ASGR1: variants seen among roughly 807,000 people sequenced by gnomAD.
ASGR1 encodes the protein C-type lectin domain family 4 member H1.
A neutral mutation model predicts 33.1 loss-of-function variants in ASGR1; 35 were observed. The observed-to-expected ratio is 1.06, with a 90% CI of 0.81 to 1.40. ASGR1 has a LOEUF of 1.40. ASGR1 is among the 40% of genes most tolerant of loss of function. ASGR1 has a pLI of 0.00. For missense variants in ASGR1, 396 were observed against 373.7 expected, an observed-to-expected ratio of 1.06 and a Z score of -0.49; for synonymous variants, 142 against 152.5, an observed-to-expected ratio of 0.93 and a Z score of 0.51.
chr17:7,177,675 C>T, intron 2 of ASGR1: 1 of 242,170 alleles, frequency 4.1e-6, no homozygotes. Context: ...GCCTCGGAGT[C>T]GCTGCTTCCC....
intron 5 of ASGR1, chr17:7,176,611 CACAG>C (rs756878191): frequency 1.9e-5 from 12 of 631,240 alleles, no homozygotes; most frequent in East Asian, 2.8e-5. Flanking sequence ...TTCTCACACT[CACAG>C]ACATACACAC....
At position 7,173,579 on chromosome 17, in the gene ASGR1, G is replaced by A; in HGVS notation, c.*80C>T. The A allele has an allele frequency of 3.2e-6, 5 of 1,573,394 alleles. No homozygotes were observed. Among genetic ancestry groups the A allele is most frequent in the South Asian group, 1.1e-5 (1 of 88,652 alleles). ...CTTAAAATCCTAGATGAAAATTCCC[G>A]AGAAAGCAGAAGAGGCCCCCAGATG... On this transcript the variant is annotated 3_prime_UTR_variant, in exon 9 of 9. Transcript: ENST00000269299. This position sits in a 1 kb window ranked among gnomAD's most constrained non-coding sequence, Gnocchi z 4.7.
At position 7,176,847 on chromosome 17, in the gene ASGR1, T is replaced by C. The variant is rs1463073109; in HGVS notation, c.338A>G (p.Gln113Arg). ...TCTCTGACCTTCACTCAGGTCCTTCTGCTGTTTCTCCAGCTGGGACTCTAG... is the reference window on the plus strand; with the variant it reads ...TCTCTGACCTTCACTCAGGTCCTTCCGCTGTTTCTCCAGCTGGGACTCTAG... ...KSLESQLEKQ[Q>R]KDLSEDHSSL... The change falls in exon 5 of 9, where the codon CAG (glutamine) becomes CGG (arginine). Residue 113 changes from glutamine to arginine, a missense_variant. Gln to Arg is a conservative substitution (Grantham distance 43). Transcript: ENST00000269299. The C allele has an allele frequency of 1.2e-6, 2 of 1,612,802 alleles. No homozygotes were observed. Among genetic ancestry groups the C allele is most frequent in the East Asian group, 2.2e-5 (1 of 44,860 alleles).
At position 7,173,872 on chromosome 17, in the gene ASGR1, T is replaced by A; in HGVS notation, c.702-39A>T. 1 of 1,607,182 alleles carries A rather than the reference T, an allele frequency of 6.2e-7. No individual in the cohort carries two copies. Among genetic ancestry groups the A allele is most frequent in the African/African-American group, 1.3e-5 (1 of 74,906 alleles). On this transcript the variant is annotated intron_variant, in intron 8 of 8. Transcript: ENST00000269299. This position sits in a 1 kb window ranked among gnomAD's most constrained non-coding sequence, Gnocchi z 4.7. ...CAGCTGTGGGCCCCAGGAGGTCGGA[T>A]CCGCAGGCGGGTCGCTCCAGACTCC...
At chr17:7,175,819 ACACACT>A (rs2069193791) in intron 5 of ASGR1, among the ~76,000 whole-genome samples, 1 of 148,688 alleles carries the variant, frequency 6.7e-6, no homozygotes, top group Admixed American at 6.7e-5. Flanking sequence ...TCTCACAGAC[ACACACT>A]CAGACACACA....
chr17:7,173,767 G>A lies in ASGR1; in HGVS notation c.768C>T (p.Ala256=). 6.2e-7 allele frequency: 1 copy of A among 1,613,514 alleles called. No homozygotes were observed. Among genetic ancestry groups the A allele is most frequent in the South Asian group, 1.1e-5 (1 of 91,084 alleles). Residue 256 remains alanine, a synonymous_variant, in exon 9 of 9, where the codon GCC becomes GCT. Coordinates refer to ENST00000269299, the MANE Select transcript of ASGR1 (RefSeq NM_001671.5). This position sits in a 1 kb window ranked among gnomAD's most constrained non-coding sequence, Gnocchi z 4.7. Reference sequence around the variant, plus strand: ...TCCAGCGGCCGTCGTCGGTGAAGTGGGCACAGTCCTCGCCTCCTCCGAGCC... The same window carrying A: ...TCCAGCGGCCGTCGTCGGTGAAGTGAGCACAGTCCTCGCCTCCTCCGAGCC... The part of the protein sequence containing the change: ...GHGLGGGEDC[A]HFTDDGRWND...
intron 1 of ASGR1, 153 bp from the exon 2 acceptor site, chr17:7,178,741 T>TC (rs1567794980): frequency 4.9e-6 from 2 of 405,818 alleles, no homozygotes; most frequent in East Asian, 3.8e-5. Flanking sequence ...TTCTTTTCTT[T>TC]TTTTTTTTTT....
intron 5 of ASGR1, 188 bp downstream of exon 5, chr17:7,176,642 A>C: frequency 1.4e-6 from 1 of 733,062 alleles, no homozygotes; most frequent in Non-Finnish European, 2.2e-6. Flanking sequence ...TCATTCTCAC[A>C]TCCACACAAG....
At position 7,173,780 on chromosome 17, in the gene ASGR1, C is replaced by T; in HGVS notation, c.755G>A (p.Gly252Asp). ...GTCGGTGAAGTGGGCACAGTCCTCG[C>T]CTCCTCCGAGCCCGTGGCCGTACCA... ...DDWYGHGLGG[G>D]EDCAHFTDDG... Residue 252 changes from glycine (G) to aspartate (D), a missense_variant, in exon 9 of 9, where the codon GGC becomes GAC. By Grantham distance (94) the Gly-to-Asp change is moderately conservative (BLOSUM62 -1). Transcript: ENST00000269299. This position sits in a 1 kb window ranked among gnomAD's most constrained non-coding sequence, Gnocchi z 4.7. The T allele has an allele frequency of 6.2e-7, 1 of 1,613,128 alleles. No homozygotes were observed. Among genetic ancestry groups the T allele is most frequent in the Admixed American group, 1.7e-5 (1 of 60,018 alleles).
chr17:7,173,568 T>A lies in ASGR1; in HGVS notation c.*91A>T. 1 of 1,540,064 alleles carries A rather than the reference T, an allele frequency of 6.5e-7. No individual in the cohort carries two copies. Among genetic ancestry groups the A allele is most frequent in the East Asian group, 2.3e-5 (1 of 43,056 alleles). ...CTTCCCCTTCCCTTAAAATCCTAGA[T>A]GAAAATTCCCGAGAAAGCAGAAGAG... On this transcript the variant is annotated 3_prime_UTR_variant, in exon 9 of 9. Transcript: ENST00000269299. The surrounding 1 kb of genome is among the most constrained non-coding windows in gnomAD (Gnocchi z 4.7).
At position 7,176,850 on chromosome 17, in the gene ASGR1, T is replaced by G. The variant is rs1419631830; in HGVS notation, c.335A>C (p.Gln112Pro). ...CTGACCTTCACTCAGGTCCTTCTGC[T>G]GTTTCTCCAGCTGGGACTCTAGCGA... ...MKSLESQLEK[Q>P]QKDLSEDHSS... The change falls in exon 5 of 9, where the codon CAG becomes CCG. Residue 112 changes from glutamine (Q) to proline (P), a missense_variant. Transcript: ENST00000269299. The G allele has an allele frequency of 6.2e-7, 1 of 1,612,886 alleles. No individual in the cohort carries two copies. Among genetic ancestry groups the G allele is most frequent in the Non-Finnish European group, 8.5e-7 (1 of 1,179,982 alleles).
chr17:7,174,084 C>CG lies in ASGR1; in HGVS notation c.595-18dup. ...GACAAATTTCTGAGGAGAGAGAAGGCGGGTGGTGATCTCTCCGAGGCCAGC... is the reference window on the plus strand; with the variant it reads ...GACAAATTTCTGAGGAGAGAGAAGGCGGGGTGGTGATCTCTCCGAGGCCAGC... On this transcript the variant is annotated splice_polypyrimidine_tract_variant and intron_variant, in intron 7 of 8. Transcript: ENST00000269299. 1 of 1,614,174 alleles carries CG rather than the reference C, an allele frequency of 6.2e-7. No individual in the cohort carries two copies. Among genetic ancestry groups the CG allele is most frequent in the East Asian group, 2.2e-5 (1 of 44,888 alleles).
rs755953428 is a variant in ASGR1 at position 7,177,193 on chromosome 17, A to G, written c.187+17T>C. On this transcript the variant is annotated intron_variant, in intron 3 of 8. Coordinates refer to ENST00000269299, the MANE Select transcript of ASGR1 (RefSeq NM_001671.5). ...CACCCCCCAATGTTGCCCCCTTCCCACCCCTGGGGCACCCACTTTGGGATC... is the reference window on the plus strand; with the variant it reads ...CACCCCCCAATGTTGCCCCCTTCCCGCCCCTGGGGCACCCACTTTGGGATC... The G allele has an allele frequency of 6.3e-7, 1 of 1,599,714 alleles. No individual in the cohort carries two copies. The highest frequency in any genetic ancestry group is 1.4e-5 in the African/African-American group (1 of 72,442).
At position 7,173,939 on chromosome 17, in the gene ASGR1, C is replaced by A. The variant is rs368109417; in HGVS notation, c.701+22G>T. ...GGGCGCGAAGGCGGCCGGACCCAGG[C>A]CGAGGGAGGGCGCGCACTCACTTGA... On this transcript the variant is annotated intron_variant, in intron 8 of 8. Transcript: ENST00000269299. This position sits in a 1 kb window ranked among gnomAD's most constrained non-coding sequence, Gnocchi z 4.7. 20 of 1,613,680 alleles carry A rather than the reference C, an allele frequency of 1.2e-5. No individual in the cohort carries two copies. The highest frequency in any genetic ancestry group is 1.6e-5 in the Non-Finnish European group (19 of 1,179,872).
At chr17:7,174,897 A>G (rs963140292) in intron 5 of ASGR1, among the ~76,000 whole-genome samples, 2 of 148,692 alleles carry the variant, frequency 1.3e-5, no homozygotes, top group African/African-American at 5.0e-5. Flanking sequence ...CAACACATAA[A>G]ACACACAATA....
At chr17:7,174,667 C>T (rs532881881) in intron 5 of ASGR1, among the ~76,000 whole-genome samples, 3 of 147,128 alleles carry the variant, frequency 2.0e-5, no homozygotes, top group African/African-American at 7.4e-5. Flanking sequence ...CACACACTCA[C>T]ACAGACACAC....
rs746153002 is a variant in ASGR1 at position 7,174,449 on chromosome 17, G to C, written c.367C>G (p.Leu123Val). 1.9e-6 allele frequency: 3 copies of C among 1,613,054 alleles called. No homozygotes were observed. The highest frequency in any genetic ancestry group is 2.5e-6 in the Non-Finnish European group (3 of 1,179,660). The change falls in exon 6 of 9, where the codon CTG (leucine) becomes GTG (valine). Residue 123 changes from leucine (L) to valine (V), a missense_variant. Physicochemically the swap from Leu to Val is conservative, Grantham distance 32. Coordinates refer to ENST00000269299, the MANE Select transcript of ASGR1 (RefSeq NM_001671.5). ...ACGAACTGCTTCACGTGGAGCAGCA[G>C]GCTGGAGTGATCTGGGGAGACCGGG... ...QKDLSEDHSS[L>V]LLHVKQFVSD...
At chr17:7,178,687 A>G (rs2142771609) in intron 1 of ASGR1, 99 bp from the exon 2 acceptor site, 1 of 666,736 alleles carries the variant, frequency 1.5e-6, no homozygotes, top group East Asian at 3.0e-5. Context: ...TGACGGCTCC[A>G]TCATGGAGAC....
At position 7,174,268 on chromosome 17, in the gene ASGR1, G is replaced by C; in HGVS notation, c.464C>G (p.Pro155Arg). 6.8e-6 allele frequency: 11 copies of C among 1,614,060 alleles called. No homozygotes were observed. The highest frequency in any genetic ancestry group is 9.3e-6 in the Non-Finnish European group (11 of 1,179,950). Residue 155 changes from proline (P) to arginine (R), a missense_variant, in exon 7 of 9, where the codon CCG (proline) becomes CGG (arginine). Coordinates refer to ENST00000269299, the MANE Select transcript of ASGR1 (RefSeq NM_001671.5). ...GCGCTCGTGCTCCACCCAGTTGACC[G>C]GGCAGCAGGTCCTTTCTGAGCCTGA... Reference protein sequence around the residue: ...QGNGSERTCCPVNWVEHERSC... With the variant: ...QGNGSERTCCRVNWVEHERSC...
Sources: allele counts gnomAD v4.1 joint callset (sites outside exome capture counted in the v4.1 genomes callset), GRCh38; gene constraint gnomAD v4.1.1; non-coding constraint Gnocchi (gnomAD v3.1); transcripts MANE v1.5; gene names NCBI Gene and HGNC (gene_info 2026-07-23, HGNC 2026-07-21).